TXNDC12: variants seen among roughly 807,000 people sequenced by gnomAD.
The protein encoded by TXNDC12 is thioredoxin domain-containing protein 12.
Under a neutral mutation model 24.2 loss-of-function variants are expected in TXNDC12, and 22 were observed. The observed-to-expected ratio is 0.91, with a 90% CI of 0.65 to 1.30. TXNDC12 has a LOEUF of 1.30. Ranked by LOEUF, TXNDC12 falls within the 50% of genes most tolerant of loss-of-function variation. TXNDC12 has a pLI of 0.00. For synonymous variants in TXNDC12, 58 were observed against 73.4 expected (o/e 0.79, Z 1.07); for missense variants, 184 against 205.8 (o/e 0.89, Z 0.65).
intron 2 of TXNDC12, chr1:52,033,769 G>C (rs777847937): frequency 2.5e-6 from 4 of 1,571,738 alleles, no homozygotes; most frequent in South Asian, 2.3e-5. Context: ...CATCCTCTCA[G>C]GGAGCGACCA....
intron 2 of TXNDC12, chr1:52,033,762 C>G (rs561902251): frequency 2.5e-6 from 4 of 1,591,732 alleles, no homozygotes; most frequent in Non-Finnish European, 3.4e-6. Flanking sequence ...CGAGCGGCAT[C>G]CTCTCAGGGA....
At chr1:52,037,061 A>G (rs1376714601) in intron 2 of TXNDC12, among the ~76,000 whole-genome samples, 1 of 152,122 alleles carries the variant, frequency 6.6e-6, no homozygotes, top group African/African-American at 2.4e-5. Flanking sequence ...CTAAACTTTC[A>G]TGATGTTCTC....
intron 6 of TXNDC12, among the ~76,000 whole-genome samples, 172 bp from the exon 7 acceptor site, chr1:52,021,184 T>C (rs1257658450): frequency 6.6e-6 from 1 of 152,224 alleles, no homozygotes; most frequent in Non-Finnish European, 1.5e-5. Flanking sequence ...TTTGAATTTG[T>C]TTCCTCATTT....
chr1:52,044,280 C>T (rs1686046890), intron 1 of TXNDC12: 2 of 152,202 alleles, frequency 1.3e-5, no homozygotes, highest in Non-Finnish European at 2.9e-5. Context: ...TGAGGCTGCC[C>T]TGAACGCAAG....
At chr1:52,053,641 G>A (rs1686263773) in intron 1 of TXNDC12, among the ~76,000 whole-genome samples, 1 of 152,094 alleles carries the variant, frequency 6.6e-6, no homozygotes, top group African/African-American at 2.4e-5. Flanking sequence ...TCCAGCCCGA[G>A]CAACAGTGTG....
chr1:52,040,895 G>A (rs1685975295), intron 2 of TXNDC12, among the ~76,000 whole-genome samples: 1 of 151,860 alleles, frequency 6.6e-6, no homozygotes, highest in African/African-American at 2.4e-5. Context: ...AGCCGGCAAT[G>A]GTGGCACATG....
intron 1 of TXNDC12, among the ~76,000 whole-genome samples, chr1:52,050,172 G>GC (rs1487612173): frequency 6.6e-6 from 1 of 152,116 alleles, no homozygotes; most frequent in African/African-American, 2.4e-5. Flanking sequence ...CTTCACCAAA[G>GC]CAGAATGGGA....
intron 1 of TXNDC12, among the ~76,000 whole-genome samples, chr1:52,050,430 TTAA>T (rs963773718): frequency 9.9e-5 from 15 of 152,206 alleles, no homozygotes; most frequent in Non-Finnish European, 2.2e-4. Context: ...CCCTATAACA[TTAA>T]TTTTTTAAAA....
chr1:52,038,899 TTC>T (rs1451443132), intron 2 of TXNDC12, among the ~76,000 whole-genome samples: 1 of 93,934 alleles, frequency 1.1e-5, no homozygotes, highest in African/African-American at 3.6e-5. Context: ...TTTTTTCTTT[TTC>T]TGTTTTTTTT....
intron 4 of TXNDC12, among the ~76,000 whole-genome samples, chr1:52,027,036 A>T (rs1026566033): frequency 3.4e-4 from 49 of 145,652 alleles, no homozygotes; most frequent in African/African-American, 1.0e-3. Flanking sequence ...ACTCCATATA[A>T]AAAAAAAAAA....
rs374459901 is a variant in TXNDC12, at chr1:52,033,312, G to A, written c.159-4682C>T. On this transcript the variant is annotated intron_variant, in intron 2 of 6. Transcript: ENST00000371626. ...CCGCAGTATGCAGTTCCCTGAGGAC[G>A]CTGCTGCCCGCCGCCTGGGCTCTCC... The A allele has an allele frequency of 8.1e-5, 131 of 1,613,790 alleles. 1 individual carries two copies. The South Asian group carries it at 1.3e-3, about 16-fold the overall frequency.
chr1:52,021,384 A>G (rs1685594038), intron 6 of TXNDC12, among the ~76,000 whole-genome samples: 1 of 152,024 alleles, frequency 6.6e-6, no homozygotes, highest in Non-Finnish European at 1.5e-5. Context: ...AGGGAAGAGG[A>G]AACACCTTCC....
chr1:52,046,446 C>G (rs995065398), intron 1 of TXNDC12, among the ~76,000 whole-genome samples: 1 of 152,050 alleles, frequency 6.6e-6, no homozygotes, highest in African/African-American at 2.4e-5. Context: ...AAAGAGAAGT[C>G]AAGGATCACT....
At chr1:52,021,270 T>C (rs76705406) in intron 6 of TXNDC12, among the ~76,000 whole-genome samples, 3,497 of 152,252 alleles carry the variant, frequency 0.023, 77 homozygotes, top group African/African-American at 0.061. Context: ...AAAAGTGCTT[T>C]ATCAACTACG....
At chr1:52,046,540 C>T (rs1469941864) in intron 1 of TXNDC12, among the ~76,000 whole-genome samples, 3 of 152,164 alleles carry the variant, frequency 2.0e-5, no homozygotes, top group Non-Finnish European at 2.9e-5. Context: ...ATGACCAAGA[C>T]AGTCCAAGGA....
At position 52,020,957 on chromosome 1, in the gene TXNDC12, C is replaced by T. The variant is rs768893871; in HGVS notation, c.495G>A (p.Lys165=). 4 of 1,614,078 alleles carry T rather than the reference C, an allele frequency of 2.5e-6. No homozygotes were observed. The East Asian group carries it at 6.7e-5, about 27-fold the overall frequency. The change falls in exon 7 of 7, where the codon AAG becomes AAA. Residue 165 remains lysine, a synonymous_variant. Coordinates refer to ENST00000371626, the MANE Select transcript of TXNDC12 (RefSeq NM_015913.4). ...GTTACAATTCATCTTCAAGATGTTTCTTTCTGAAGGCATCACCCGTCAGCC... is the reference window on the plus strand; with the variant it reads ...GTTACAATTCATCTTCAAGATGTTTTTTTCTGAAGGCATCACCCGTCAGCC... ...QERLTGDAFR[K]KHLEDEL is the part of the protein sequence containing the mutation.
chr1:52,054,971 G>A (rs2124400694), intron 1 of TXNDC12, 29 bp downstream of exon 1: 2 of 1,521,846 alleles, frequency 1.3e-6, no homozygotes, highest in African/African-American at 1.4e-5. Flanking sequence ...GTAAAGATCA[G>A]TAAAGAGAAG....
intron 6 of TXNDC12, among the ~76,000 whole-genome samples, chr1:52,021,832 T>A (rs1685601497): frequency 6.6e-6 from 1 of 152,146 alleles, no homozygotes; most frequent in Non-Finnish European, 1.5e-5. Context: ...GTTATTTCTG[T>A]TTTGTTTTGC....
At chr1:52,023,436 G>T in intron 6 of TXNDC12, 55 bp downstream of exon 6, 4 of 1,394,780 alleles carry the variant, frequency 2.9e-6, no homozygotes, top group South Asian at 1.2e-5. Context: ...CCTTGCATGT[G>T]GTTCATCCTA....
Sources: allele counts gnomAD v4.1 joint callset (sites outside exome capture counted in the v4.1 genomes callset), GRCh38; gene constraint gnomAD v4.1.1; transcripts MANE v1.5; gene names NCBI Gene and HGNC (gene_info 2026-07-23, HGNC 2026-07-21).